DPP8: variants seen among roughly 807,000 people sequenced by gnomAD.
DPP8 encodes the protein dipeptidyl peptidase 8, also known as DPP VIII.
DPP8 carries 31 observed loss-of-function variants against 107.5 expected under a neutral mutation model. The ratio of observed to expected loss-of-function variants is 0.29; its 90% CI spans 0.22 to 0.39. The LOEUF (loss-of-function observed/expected upper bound fraction) is 0.39, where lower values mean the gene tolerates loss of function less well. Among genes scored for constraint, DPP8 ranks in the 10% least tolerant of loss-of-function variants. The pLI is 1.00. For synonymous variants in DPP8, 381 were observed against 356.6 expected (o/e 1.07, Z -0.77); for missense variants, 842 against 1,076.1 (o/e 0.78, Z 3.04).
intron 3 of DPP8, among the ~76,000 whole-genome samples, chr15:65,503,117 A>AT (rs1024655012): frequency 4.6e-5 from 7 of 151,828 alleles, no homozygotes; most frequent in South Asian, 4.2e-4. Flanking sequence ...TATTATTATT[A>AT]TTTTTTTTGA....
chr15:65,500,415 T>C (rs1278612249), intron 4 of DPP8, among the ~76,000 whole-genome samples, 191 bp downstream of exon 4: 1 of 150,548 alleles, frequency 6.6e-6, no homozygotes, highest in East Asian at 1.9e-4. Context: ...TGAAATTCTG[T>C]CTCAAAAAAA....
chr15:65,506,265 G>A (rs1422250779), intron 3 of DPP8, among the ~76,000 whole-genome samples: 1 of 151,978 alleles, frequency 6.6e-6, no homozygotes, highest in Non-Finnish European at 1.5e-5. Flanking sequence ...GGAGGCGGAG[G>A]TTGTAGTGAG....
At position 65,456,290 on chromosome 15, in the gene DPP8, C is replaced by G; in HGVS notation, c.2053G>C (p.Val685Leu). Reference protein sequence around the residue: ...TLASLGYVVVVIDNRGSCHRG... With the variant: ...TLASLGYVVVLIDNRGSCHRG... ...TGACAGGATCCCCTGTTGTCTATCA[C>G]TACAACCACATAACCTAGAGAGGCT... The change falls in exon 16 of 20, where the codon GTG (valine) becomes CTG (leucine). Residue 685 changes from valine (V) to leucine (L), a missense_variant. Val to Leu is a conservative substitution (Grantham distance 32). Transcript: ENST00000300141. The G allele has an allele frequency of 6.2e-7, 1 of 1,614,122 alleles. No individual in the cohort carries two copies. Among genetic ancestry groups the G allele is most frequent in the Non-Finnish European group, 8.5e-7 (1 of 1,180,018 alleles).
At chr15:65,515,773 C>T in intron 1 of DPP8, 6 of 1,328,224 alleles carry the variant, frequency 4.5e-6, no homozygotes, top group Non-Finnish European at 6.4e-6. Flanking sequence ...GGAATCTTTC[C>T]TTTCCTCACC....
intron 17 of DPP8, among the ~76,000 whole-genome samples, chr15:65,453,201 T>C (rs187295276): frequency 2.8e-4 from 42 of 152,310 alleles, no homozygotes; most frequent in Admixed American, 1.1e-3. Context: ...GCCTACTATA[T>C]GCCCAGCATT....
At chr15:65,455,003 T>C (rs933808701) in intron 16 of DPP8, among the ~76,000 whole-genome samples, 1 of 152,226 alleles carries the variant, frequency 6.6e-6, no homozygotes, top group Non-Finnish European at 1.5e-5. Flanking sequence ...AAACTGTCCC[T>C]TGCTATTTGG....
chr15:65,507,516 T>TA (rs1402295274), intron 2 of DPP8, among the ~76,000 whole-genome samples, 161 bp from the exon 3 acceptor site: 1 of 152,068 alleles, frequency 6.6e-6, no homozygotes, highest in Non-Finnish European at 1.5e-5. Context: ...CCATATGCCA[T>TA]AAAAATTTTC....
At chr15:65,482,053 G>C (rs544398804) in intron 8 of DPP8, among the ~76,000 whole-genome samples, 1 of 151,582 alleles carries the variant, frequency 6.6e-6, no homozygotes, top group East Asian at 1.9e-4. Context: ...TATTTTTTGA[G>C]ACAAGGTCTC....
intron 19 of DPP8, among the ~76,000 whole-genome samples, chr15:65,447,801 C>G (rs2063579740): frequency 6.6e-6 from 1 of 152,174 alleles, no homozygotes; most frequent in Non-Finnish European, 1.5e-5. Flanking sequence ...ATGATAAAAT[C>G]TGGGCTTTTG....
At chr15:65,516,752 A>C (rs1294261975) in intron 1 of DPP8, 1 of 152,252 alleles carries the variant, frequency 6.6e-6, no homozygotes, top group Admixed American at 6.5e-5. Flanking sequence ...AAACACCTAA[A>C]GCCTCACTGA....
chr15:65,460,647 A>G (rs1050710682), intron 15 of DPP8, among the ~76,000 whole-genome samples: 1 of 152,238 alleles, frequency 6.6e-6, no homozygotes, highest in Non-Finnish European at 1.5e-5. Flanking sequence ...GTGTTATACT[A>G]TATGTCAGAA....
At chr15:65,448,429 T>C (rs1017672425) in intron 19 of DPP8, among the ~76,000 whole-genome samples, 2 of 151,436 alleles carry the variant, frequency 1.3e-5, no homozygotes, top group African/African-American at 4.9e-5. Flanking sequence ...CCCCAGCACT[T>C]TGGGAGGCTG....
At position 65,490,229 on chromosome 15, in the gene DPP8, A is replaced by G. The variant is rs1223873681; in HGVS notation, c.786T>C (p.Asp262=). 4.3e-6 allele frequency: 7 copies of G among 1,612,934 alleles called. No homozygotes were observed. Among genetic ancestry groups the G allele is most frequent in the Non-Finnish European group, 5.9e-6 (7 of 1,179,010 alleles). ...GACACCACCAATAGCCAGAATATCT[A>G]TCAAATTCTTCTTGGAGAACAAAGG... ...VATFVLQEEF[D]RYSGYWWCPK... is the part of the protein sequence containing the mutation. Residue 262 remains aspartate (D), a synonymous_variant, in exon 6 of 20, where the codon GAT becomes GAC. Coordinates refer to ENST00000300141, the MANE Select transcript of DPP8 (RefSeq NM_130434.5).
chr15:65,478,819 GTCCC>G (rs1358132368), intron 11 of DPP8, 57 bp downstream of exon 11: 2 of 1,178,280 alleles, frequency 1.7e-6, no homozygotes, highest in East Asian at 5.0e-5. Context: ...ACATTCCCCT[GTCCC>G]TCCCACCTTC....
At chr15:65,476,618 T>C (rs766299914) in intron 11 of DPP8, among the ~76,000 whole-genome samples, 4 of 152,178 alleles carry the variant, frequency 2.6e-5, no homozygotes, top group African/African-American at 4.8e-5. Flanking sequence ...GTAGCTCCTA[T>C]GGAAAACAGT....
chr15:65,448,865 A>AAAATAT (rs2063707300), intron 19 of DPP8, among the ~76,000 whole-genome samples: 1 of 53,312 alleles, frequency 1.9e-5, no homozygotes, highest in Non-Finnish European at 3.9e-5. Flanking sequence ...ATATATCTAA[A>AAAATAT]ATATATATAT....
chr15:65,493,254 G>A (rs2068224769), intron 5 of DPP8, among the ~76,000 whole-genome samples: 1 of 151,948 alleles, frequency 6.6e-6, no homozygotes, highest in Non-Finnish European at 1.5e-5. Context: ...GGCTAATTTT[G>A]TATTTTTAGT....
intron 1 of DPP8, chr15:65,512,888 T>G (rs1346550149): frequency 3.7e-6 from 1 of 272,914 alleles, no homozygotes; most frequent in African/African-American, 2.2e-5. Flanking sequence ...AACAGGCCAT[T>G]TGCCAGTTGG....
chr15:65,507,350 A>G lies in DPP8; in HGVS notation c.265T>C (p.Ser89Pro). 6.3e-7 allele frequency: 1 copy of G among 1,578,050 alleles called. No homozygotes were observed. Among genetic ancestry groups the G allele is most frequent in the Non-Finnish European group, 8.7e-7 (1 of 1,151,940 alleles). Residue 89 changes from serine (S) to proline (P), a missense_variant, in exon 3 of 20, where the codon TCT (serine) becomes CCT (proline). Ser to Pro is a moderately conservative substitution (Grantham distance 74). Around this residue, in one of 2 missense-constraint regions of DPP8, gnomAD observed 663 missense variants for 758.0 expected, o/e 0.87. Coordinates refer to ENST00000300141, the MANE Select transcript of DPP8 (RefSeq NM_130434.5). ...AGTGTATTTTCTCTGTTCTCACCAG[A>G]CATGGCTATAGGAGAAAGCAATCAT... The part of the protein sequence containing the change: ...HSDRIYYLAM[S>P]GENRENTLFY...
Sources: allele counts gnomAD v4.1 joint callset (sites outside exome capture counted in the v4.1 genomes callset), GRCh38; gene constraint gnomAD v4.1.1; regional missense constraint gnomAD v4.1.1; transcripts MANE v1.5; gene names NCBI Gene and HGNC (gene_info 2026-07-23, HGNC 2026-07-21).